The following TBC1D5 variants were observed in gnomAD, a reference collection of about 807,000 sequenced individuals.
TBC1D5 encodes the protein TBC1 domain family, member 5.
Under a neutral mutation model 100.3 loss-of-function variants are expected in TBC1D5, and 75 were observed. The ratio of observed to expected loss-of-function variants is 0.75; its 90% CI spans 0.62 to 0.91. The LOEUF (loss-of-function observed/expected upper bound fraction) is 0.91, where lower values mean the gene tolerates loss of function less well. TBC1D5 is among the 40% of genes least tolerant of loss of function. The pLI is 0.00. For synonymous variants in TBC1D5, 323 were observed against 325.6 expected, an observed-to-expected ratio of 0.99 and a Z score of 0.09; for missense variants, 910 against 942.4, an observed-to-expected ratio of 0.97 and a Z score of 0.45.
intron 3 of TBC1D5, among the ~76,000 whole-genome samples, chr3:17,486,716 A>G (rs1191530270): frequency 1.3e-5 from 2 of 152,204 alleles, no homozygotes; most frequent in African/African-American, 4.8e-5. Flanking sequence ...ACACTGTGGC[A>G]TTTTAAGTAG....
intron 2 of TBC1D5, among the ~76,000 whole-genome samples, chr3:17,605,135 T>C (rs1435220566): frequency 6.6e-6 from 1 of 152,206 alleles, no homozygotes; most frequent in Non-Finnish European, 1.5e-5. Flanking sequence ...TAGGCTGCAT[T>C]TCCTAACAGA....
intron 12 of TBC1D5, among the ~76,000 whole-genome samples, chr3:17,374,082 T>A (rs1450323431): frequency 2.0e-5 from 3 of 152,102 alleles, no homozygotes; most frequent in Non-Finnish European, 2.9e-5. Context: ...TGATGCTAAA[T>A]GTATGAATTC....
At chr3:17,512,673 T>C (rs2095926426) in intron 2 of TBC1D5, among the ~76,000 whole-genome samples, 1 of 152,200 alleles carries the variant, frequency 6.6e-6, no homozygotes, top group Admixed American at 6.5e-5. Context: ...TTCCACGATC[T>C]GGGAAAGGCC....
At chr3:17,214,912 T>C (rs1020944255) in intron 17 of TBC1D5, among the ~76,000 whole-genome samples, 1 of 152,122 alleles carries the variant, frequency 6.6e-6, no homozygotes, top group African/African-American at 2.4e-5. Flanking sequence ...GCAGCAAATA[T>C]GCAAGAACAG....
At chr3:17,322,136 G>C (rs562630606) in intron 13 of TBC1D5, among the ~76,000 whole-genome samples, 5 of 152,166 alleles carry the variant, frequency 3.3e-5, no homozygotes, top group Non-Finnish European at 5.9e-5. Context: ...ATTGTGAATT[G>C]TAAACTTCTT....
intron 1 of TBC1D5, among the ~76,000 whole-genome samples, chr3:17,733,772 T>TA (rs573009097): frequency 5.3e-5 from 8 of 151,494 alleles, no homozygotes; most frequent in Admixed American, 1.3e-4. Flanking sequence ...AAAAAACCCT[T>TA]AAAAAAAATG....
chr3:17,186,707 C>T (rs1040126278), intron 18 of TBC1D5, among the ~76,000 whole-genome samples: 9 of 23,608 alleles, frequency 3.8e-4, no homozygotes, highest in African/African-American at 1.3e-3. Context: ...AAAACTCTAT[C>T]TCCAAAAAAA....
At chr3:17,361,456 A>G (rs2091701475) in intron 13 of TBC1D5, among the ~76,000 whole-genome samples, 1 of 152,094 alleles carries the variant, frequency 6.6e-6, no homozygotes, top group African/African-American at 2.4e-5. Context: ...CCATTCAACA[A>G]TAGTAGAATA....
At chr3:17,636,339 C>T (rs909784531) in intron 1 of TBC1D5, among the ~76,000 whole-genome samples, 20 of 152,042 alleles carry the variant, frequency 1.3e-4, no homozygotes, top group African/African-American at 4.8e-4. Context: ...TTTTATTATT[C>T]CTGTTAACTA....
intron 1 of TBC1D5, among the ~76,000 whole-genome samples, chr3:17,705,079 C>G (rs1451634749): frequency 1.1e-5 from 1 of 92,260 alleles, no homozygotes. Flanking sequence ...TCCCGGACGG[C>G]ACGGCTGGCC....
intron 3 of TBC1D5, among the ~76,000 whole-genome samples, chr3:17,486,702 C>G (rs1305685988): frequency 6.6e-6 from 1 of 152,182 alleles, no homozygotes; most frequent in East Asian, 1.9e-4. Flanking sequence ...ATAACACTAA[C>G]AGCACACTGT....
intron 2 of TBC1D5, among the ~76,000 whole-genome samples, chr3:17,598,681 T>C (rs966379828): frequency 6.6e-6 from 1 of 152,232 alleles, no homozygotes; most frequent in Non-Finnish European, 1.5e-5. Context: ...TCCCAAATCA[T>C]TCTGGAATTC....
intron 2 of TBC1D5, among the ~76,000 whole-genome samples, chr3:17,614,351 G>A (rs1287541140): frequency 2.0e-5 from 3 of 152,176 alleles, no homozygotes; most frequent in African/African-American, 7.2e-5. Context: ...CTTCGCTTAC[G>A]ATTGTCTTCG....
chr3:17,407,749 C>A (rs552001062), intron 4 of TBC1D5, among the ~76,000 whole-genome samples: 1 of 152,186 alleles, frequency 6.6e-6, no homozygotes, highest in East Asian at 1.9e-4. Context: ...CAGCTTTAAC[C>A]CAGTAGCGTT....
chr3:17,678,473 G>GA (rs1313102287), intron 1 of TBC1D5, among the ~76,000 whole-genome samples: 2 of 151,836 alleles, frequency 1.3e-5, no homozygotes, highest in African/African-American at 4.9e-5. Flanking sequence ...GAGAAAAACA[G>GA]AAAGAAGATC....
At chr3:17,706,371 T>C in intron 1 of TBC1D5, 1 of 1,163,866 alleles carries the variant, frequency 8.6e-7, no homozygotes. Context: ...AAAGCTAATC[T>C]AATAAATTCC....
At chr3:17,717,013 G>A (rs573879678) in intron 1 of TBC1D5, among the ~76,000 whole-genome samples, 1 of 152,148 alleles carries the variant, frequency 6.6e-6, no homozygotes, top group East Asian at 1.9e-4. Context: ...AAAATTCTAG[G>A]CATTTTATGT....
intron 13 of TBC1D5, among the ~76,000 whole-genome samples, chr3:17,344,240 AC>A (rs2089506493): frequency 6.6e-6 from 1 of 152,024 alleles, no homozygotes; most frequent in Non-Finnish European, 1.5e-5. Context: ...AAATCAATGT[AC>A]AAAAATCACA....
intron 16 of TBC1D5, among the ~76,000 whole-genome samples, chr3:17,249,933 T>A (rs1374346577): frequency 6.6e-6 from 1 of 152,166 alleles, no homozygotes; most frequent in African/African-American, 2.4e-5. Flanking sequence ...CAGATCATCT[T>A]AACAGGTATA....
Sources: allele counts gnomAD v4.1 joint callset (sites outside exome capture counted in the v4.1 genomes callset), GRCh38; gene constraint gnomAD v4.1.1; transcripts MANE v1.5; gene names NCBI Gene and HGNC (gene_info 2026-07-23, HGNC 2026-07-21).